The following MYO16 variants were observed in gnomAD, a reference collection of about 807,000 sequenced individuals.
The protein encoded by MYO16 is unconventional myosin-XVI.
Under a neutral mutation model 205.3 loss-of-function variants are expected in MYO16, and 94 were observed. The observed-to-expected ratio is 0.46, with a 90% CI of 0.39 to 0.54. MYO16 has a LOEUF of 0.54. Ranked by LOEUF, MYO16 falls within the 20% of genes least tolerant of loss-of-function variation. MYO16 has a pLI of 0.00. For synonymous variants in MYO16, 988 were observed against 954.0 expected (o/e 1.04, Z -0.66); for missense variants, 2,315 against 2,387.5 (o/e 0.97, Z 0.63).
chr13:108,587,993 G>T, the MYO16 span, among the ~76,000 whole-genome samples: 1 of 149,028 alleles, frequency 6.7e-6, no homozygotes, highest in Non-Finnish European at 1.5e-5. Flanking sequence ...CAAGTTTACT[G>T]CAGAGTATCT....
At chr13:108,878,425 A>T (rs1879431349) in intron 12 of MYO16, among the ~76,000 whole-genome samples, 1 of 152,082 alleles carries the variant, frequency 6.6e-6, no homozygotes, top group Admixed American at 6.5e-5. Flanking sequence ...TCCAGGGAAG[A>T]TCATCTTCCC....
chr13:108,779,045 G>T (rs1483039691), intron 4 of MYO16, among the ~76,000 whole-genome samples: 4 of 152,224 alleles, frequency 2.6e-5, no homozygotes, highest in Non-Finnish European at 1.5e-5. Context: ...CACTATGGCA[G>T]AAATAACTCC....
chr13:108,899,917 G>GT (rs1880625584), intron 15 of MYO16, among the ~76,000 whole-genome samples: 2 of 152,338 alleles, frequency 1.3e-5, no homozygotes, highest in South Asian at 4.1e-4. Flanking sequence ...GGAGACTGCA[G>GT]TTTAACAAGA....
Position 109,190,905 on chromosome 13 carries a change from G to A in MYO16, c.5415+11272G>A, listed in dbSNP as rs142598715. ...ATATATATTTAGCATTTTGAGTTCCGAGTGAGTGGATTGCATAAAATTGAA... is the reference window on the plus strand; with the variant it reads ...ATATATATTTAGCATTTTGAGTTCCAAGTGAGTGGATTGCATAAAATTGAA... On this transcript the variant is annotated intron_variant, in intron 34 of 34. Coordinates refer to ENST00000457511, the MANE Select transcript of MYO16 (RefSeq NM_001198950.3). Among the ~76,000 whole-genome samples, 398 of 152,182 alleles carry A rather than the reference G, an allele frequency of 2.6e-3. 3 individuals are homozygous for A. The highest frequency in any genetic ancestry group is 0.01 in the Middle Eastern group (3 of 294).
chr13:109,145,668 T>C (rs1877296677), intron 32 of MYO16, among the ~76,000 whole-genome samples: 1 of 152,252 alleles, frequency 6.6e-6, no homozygotes, highest in African/African-American at 2.4e-5. Context: ...TAATTATTTC[T>C]AGTTGCTTGG....
chr13:109,193,093 T>C (rs1431858872), intron 34 of MYO16, among the ~76,000 whole-genome samples: 1 of 152,012 alleles, frequency 6.6e-6, no homozygotes, highest in East Asian at 1.9e-4. Flanking sequence ...CAAGCCACAC[T>C]TCATACATAC....
At chr13:108,809,096 C>A (rs1304522671) in intron 7 of MYO16, among the ~76,000 whole-genome samples, 2 of 152,168 alleles carry the variant, frequency 1.3e-5, no homozygotes, top group African/African-American at 2.4e-5. Flanking sequence ...GCTGCAGAAG[C>A]CATGTTGACT....
chr13:108,855,592 C>A (rs1384503253), intron 11 of MYO16, 39 bp downstream of exon 11: 1 of 1,381,656 alleles, frequency 7.2e-7, no homozygotes. Context: ...CTGTTTTTCT[C>A]TTGCTGCATA....
chr13:108,503,171 A>G, the MYO16 span, among the ~76,000 whole-genome samples: 1 of 152,210 alleles, frequency 6.6e-6, no homozygotes, highest in Non-Finnish European at 1.5e-5. Flanking sequence ...AAATTACAAT[A>G]TAGTATAATA....
intron 1 of MYO16, among the ~76,000 whole-genome samples, chr13:108,651,582 C>T (rs560141581): frequency 1.3e-5 from 2 of 152,186 alleles, no homozygotes; most frequent in South Asian, 4.1e-4. Flanking sequence ...AGAGAAAATA[C>T]TTACTACATT....
At chr13:108,520,105 T>C in the MYO16 span, among the ~76,000 whole-genome samples, 31,105 of 152,006 alleles carry the variant, frequency 0.2, 3,392 homozygotes, top group East Asian at 0.38. Flanking sequence ...GTAGTTATGC[T>C]TTCTTGTCTC....
At chr13:108,642,154 C>A (rs1273144558) in intron 1 of MYO16, among the ~76,000 whole-genome samples, 1 of 152,178 alleles carries the variant, frequency 6.6e-6, no homozygotes, top group Non-Finnish European at 1.5e-5. Context: ...TTAATAACTT[C>A]TCCTTACCGT....
chr13:108,861,080 C>T (rs112582596), intron 11 of MYO16, among the ~76,000 whole-genome samples: 392 of 152,056 alleles, frequency 2.6e-3, no homozygotes, highest in African/African-American at 7.2e-3. Context: ...TATTAAATAA[C>T]GACAAACAAA....
intron 2 of MYO16, among the ~76,000 whole-genome samples, chr13:108,677,706 T>C (rs1882293824): frequency 6.6e-6 from 1 of 152,120 alleles, no homozygotes; most frequent in African/African-American, 2.4e-5. Flanking sequence ...TGCTCCCTTC[T>C]CATAAGCCAG....
At chr13:109,029,575 C>T (rs1886485394) in intron 23 of MYO16, among the ~76,000 whole-genome samples, 1 of 152,146 alleles carries the variant, frequency 6.6e-6, no homozygotes, top group Non-Finnish European at 1.5e-5. Flanking sequence ...TCATTTGTTT[C>T]TCTCCTTTTC....
rs761944370 is a variant in MYO16 at position 109,206,745 on chromosome 13, C to A, written c.5552C>A (p.Pro1851Gln). The A allele has an allele frequency of 6.8e-6, 11 of 1,614,166 alleles. No homozygotes were observed. The highest frequency in any genetic ancestry group is 2.2e-5 in the East Asian group (1 of 44,870). Residue 1851 changes from proline (P) to glutamine (Q), a missense_variant, in exon 35 of 35, where the codon CCA becomes CAA. By Grantham distance (76) the Pro-to-Gln change is moderately conservative. Around this residue, in one of 3 missense-constraint regions of MYO16, gnomAD observed 1,097 missense variants for 1,092.0 expected, o/e 1.00. Coordinates refer to ENST00000457511, the MANE Select transcript of MYO16 (RefSeq NM_001198950.3). The part of the protein sequence containing the change: ...LHHAEPRVPP[P>Q]PPCKKPSLLK... ...CACGCTGAGCCCAGGGTGCCTCCCC[C>A]ACCACCTTGCAAGAAGCCCAGCCTT...
At chr13:108,767,032 G>T (rs1015045432) in intron 4 of MYO16, among the ~76,000 whole-genome samples, 2 of 152,094 alleles carry the variant, frequency 1.3e-5, no homozygotes, top group Admixed American at 1.3e-4. Context: ...GTACCTGCAG[G>T]TTTCTACTTG....
At chr13:108,870,971 TTC>T (rs1343604056) in intron 12 of MYO16, among the ~76,000 whole-genome samples, 1 of 152,102 alleles carries the variant, frequency 6.6e-6, no homozygotes, top group African/African-American at 2.4e-5. Flanking sequence ...TGTGATTTCT[TTC>T]TATAAAAAAT....
intron 22 of MYO16, among the ~76,000 whole-genome samples, chr13:109,016,154 T>C (rs1038075037): frequency 6.6e-6 from 1 of 152,204 alleles, no homozygotes; most frequent in African/African-American, 2.4e-5. Context: ...GAGATTCTGG[T>C]ATATTGTGTC....
Sources: allele counts gnomAD v4.1 joint callset (sites outside exome capture counted in the v4.1 genomes callset), GRCh38; gene constraint gnomAD v4.1.1; regional missense constraint gnomAD v4.1.1; transcripts MANE v1.5; gene names NCBI Gene and HGNC (gene_info 2026-07-23, HGNC 2026-07-21).